The following RHOU variants were observed in gnomAD, a reference collection of about 807,000 sequenced individuals.
RHOU encodes the protein ras homolog family member U.
RHOU carries 8 observed loss-of-function variants against 12.6 expected under a neutral mutation model. That is an observed-to-expected ratio of 0.64 (90% confidence interval 0.37 to 1.15). The LOEUF is 1.15. RHOU is among the 50% of genes most tolerant of loss of function. The pLI is 0.01. For missense variants in RHOU, 258 were observed against 347.0 expected (o/e 0.74, Z 2.04); for synonymous variants, 161 against 147.4 (o/e 1.09, Z -0.67).
the RHOU span, among the ~76,000 whole-genome samples, chr1:228,664,617 G>A: frequency 6.6e-6 from 1 of 152,076 alleles, no homozygotes; most frequent in Non-Finnish European, 1.5e-5. Context: ...TTGCCAGGAG[G>A]AACCCGTGTT....
At chr1:228,675,130 A>C in the RHOU span, among the ~76,000 whole-genome samples, 2 of 152,188 alleles carry the variant, frequency 1.3e-5, no homozygotes. Flanking sequence ...GTAGGGTTCA[A>C]GTTTCATTTT....
At chr1:228,651,893 GAT>G in the RHOU span, among the ~76,000 whole-genome samples, 1 of 152,198 alleles carries the variant, frequency 6.6e-6, no homozygotes, top group Non-Finnish European at 1.5e-5. Flanking sequence ...GTGGAGACAT[GAT>G]ATATATGCCA....
chr1:228,692,587 C>A, the RHOU span, among the ~76,000 whole-genome samples: 44 of 152,000 alleles, frequency 2.9e-4, no homozygotes, highest in East Asian at 7.9e-3. Flanking sequence ...TCTTTTCTGG[C>A]GATTCTAAAA....
chr1:228,666,173 T>C, the RHOU span, among the ~76,000 whole-genome samples: 2 of 152,178 alleles, frequency 1.3e-5, no homozygotes, highest in Admixed American at 1.3e-4. Context: ...TTGGCCAGTC[T>C]GGTATCGAAC....
chr1:228,697,832 T>TA, the RHOU span, among the ~76,000 whole-genome samples: 1 of 152,216 alleles, frequency 6.6e-6, no homozygotes, highest in Non-Finnish European at 1.5e-5. Flanking sequence ...AACTAAGCAG[T>TA]AATCTGAGTG....
chr1:228,711,214 G>A, the RHOU span, among the ~76,000 whole-genome samples: 22 of 151,718 alleles, frequency 1.5e-4, no homozygotes, highest in Admixed American at 2.6e-4. Flanking sequence ...AATCAATATC[G>A]TGAAAATGGC....
At chr1:228,665,966 GTTC>G in the RHOU span, among the ~76,000 whole-genome samples, 1 of 132,722 alleles carries the variant, frequency 7.5e-6, no homozygotes, top group African/African-American at 3.0e-5. Context: ...ATCTAGAAGT[GTTC>G]TTTTTTTTTT....
intron 1 of RHOU, 152 bp downstream of exon 1, chr1:228,736,156 C>A: frequency 1.4e-6 from 1 of 731,922 alleles, no homozygotes; most frequent in East Asian, 3.5e-5. Context: ...GAGTGCAGGA[C>A]GTTTCCTGAG....
At chr1:228,655,700 G>A in the RHOU span, among the ~76,000 whole-genome samples, 1 of 152,202 alleles carries the variant, frequency 6.6e-6, no homozygotes, top group African/African-American at 2.4e-5. Context: ...GTACATCTCA[G>A]CACTGAGGGA....
At chr1:228,648,463 T>C in the RHOU span, among the ~76,000 whole-genome samples, 1 of 152,226 alleles carries the variant, frequency 6.6e-6, no homozygotes. Flanking sequence ...GGGCCCACAG[T>C]CCTGGGATCT....
the RHOU span, among the ~76,000 whole-genome samples, chr1:228,723,712 C>T: frequency 1.3e-5 from 2 of 152,240 alleles, no homozygotes; most frequent in African/African-American, 2.4e-5. Flanking sequence ...AAAACTTTTC[C>T]TTTCTGCCTG....
chr1:228,671,841 A>C, the RHOU span, among the ~76,000 whole-genome samples: 19 of 152,314 alleles, frequency 1.2e-4, no homozygotes, highest in East Asian at 3.5e-3. Flanking sequence ...TACCAGGTAT[A>C]GTCTTAGTGA....
the RHOU span, among the ~76,000 whole-genome samples, chr1:228,712,864 A>G: frequency 6.7e-6 from 1 of 149,438 alleles, no homozygotes; most frequent in Non-Finnish European, 1.5e-5. Context: ...AAATAAAATA[A>G]AATAAAATAA....
the RHOU span, among the ~76,000 whole-genome samples, chr1:228,656,999 G>A: frequency 6.6e-6 from 1 of 152,144 alleles, no homozygotes; most frequent in Non-Finnish European, 1.5e-5. Context: ...AAAGAGGCTG[G>A]GAGTGGTGGC....
the RHOU span, among the ~76,000 whole-genome samples, chr1:228,662,671 G>A: frequency 3.1e-4 from 45 of 145,052 alleles, no homozygotes; most frequent in African/African-American, 1.1e-3. Context: ...CCACACACTG[G>A]GTCCTGTTGT....
At chr1:228,707,131 T>TATATGTATATATATACAC in the RHOU span, among the ~76,000 whole-genome samples, 1 of 118,050 alleles carries the variant, frequency 8.5e-6, no homozygotes, top group African/African-American at 3.6e-5. Context: ...TATATACATA[T>TATATGTATATATATACAC]ATATATATAT....
chr1:228,650,373 C>T, the RHOU span: 1 of 460,224 alleles, frequency 2.2e-6, no homozygotes, highest in South Asian at 1.5e-5. Context: ...GCTCACTCAA[C>T]ATCAACCTCT....
At chr1:228,703,928 A>T in the RHOU span, among the ~76,000 whole-genome samples, 5 of 152,294 alleles carry the variant, frequency 3.3e-5, no homozygotes, top group Middle Eastern at 3.4e-3. Flanking sequence ...AGCTACAAAG[A>T]TAAAAAGTGA....
chr1:228,732,553 G>A (rs992740240), upstream of RHOU, among the ~76,000 whole-genome samples: 2 of 152,182 alleles, frequency 1.3e-5, no homozygotes, highest in African/African-American at 4.8e-5. Context: ...ACTGTTTGGC[G>A]TGGGGTCTGA....
Sources: allele counts gnomAD v4.1 joint callset (sites outside exome capture counted in the v4.1 genomes callset), GRCh38; gene constraint gnomAD v4.1.1; transcripts MANE v1.5; gene names NCBI Gene and HGNC (gene_info 2026-07-23, HGNC 2026-07-21).